ANAPC2: variants seen among roughly 807,000 people sequenced by gnomAD.
The protein encoded by ANAPC2 is anaphase-promoting complex subunit 2.
A neutral mutation model predicts 84.3 loss-of-function variants in ANAPC2; 29 were observed. That is an observed-to-expected ratio of 0.34 (90% confidence interval 0.26 to 0.47). ANAPC2 has a LOEUF of 0.47. ANAPC2 is among the 20% of genes least tolerant of loss of function. ANAPC2 has a pLI of 1.00. For synonymous variants in ANAPC2, 571 were observed against 479.4 expected, an observed-to-expected ratio of 1.19 and a Z score of -2.50; for missense variants, 857 against 1,131.7, an observed-to-expected ratio of 0.76 and a Z score of 3.48.
rs564799824 is a variant in ANAPC2, at chr9:137,188,392, C to T, written c.117+24G>A. The T allele has an allele frequency of 3.2e-5, 51 of 1,596,254 alleles. No homozygotes were observed. The South Asian group carries it at 4.1e-4, about 13-fold the overall frequency. The stretch of plus-strand genomic sequence containing the variant: ...CGGTCCCGGAAACTCCGCGCGGGGC[C>T]GCCCCTCTCTTCCCAGGCCTCACCA... On this transcript the variant is annotated intron_variant, in intron 1 of 12. Coordinates refer to ENST00000323927, the MANE Select transcript of ANAPC2 (RefSeq NM_013366.4).
At chr9:137,181,571 T>C in intron 7 of ANAPC2, 110 bp downstream of exon 7, 1 of 1,229,974 alleles carries the variant, frequency 8.1e-7, no homozygotes, top group Non-Finnish European at 1.1e-6. Context: ...TCTGAGACAC[T>C]AGCGACACCT....
intron 7 of ANAPC2, among the ~76,000 whole-genome samples, 178 bp from the exon 8 acceptor site, chr9:137,181,107 G>C (rs1405810493): frequency 6.6e-6 from 1 of 152,228 alleles, no homozygotes; most frequent in Non-Finnish European, 1.5e-5. Flanking sequence ...TGGAGCAACA[G>C]CTTCAATCCC....
rs577195695 is a variant in ANAPC2 at position 137,182,488 on chromosome 9, G to C, written c.1287-626C>G. Among the ~76,000 whole-genome samples, 30 of 152,066 alleles carry C rather than the reference G, an allele frequency of 2.0e-4. No homozygotes were observed. The South Asian group carries it at 5.6e-3, about 28-fold the overall frequency. On this transcript the variant is annotated intron_variant, in intron 6 of 12. Coordinates refer to ENST00000323927, the MANE Select transcript of ANAPC2 (RefSeq NM_013366.4). Reference sequence around the variant, plus strand: ...CGTGCCACTGCACTCCAGCCTGGGCGAAAGAGTGAGACTCCATCTCAAAAA... The same window carrying C: ...CGTGCCACTGCACTCCAGCCTGGGCCAAAGAGTGAGACTCCATCTCAAAAA...
chr9:137,181,994 T>C (rs909327556), intron 6 of ANAPC2, 132 bp from the exon 7 acceptor site: 11 of 928,530 alleles, frequency 1.2e-5, no homozygotes, highest in Admixed American at 3.2e-5. Flanking sequence ...TGATGGGCTA[T>C]GTACTAAACA....
At chr9:137,181,575 G>T in intron 7 of ANAPC2, 106 bp downstream of exon 7, 1 of 1,261,076 alleles carries the variant, frequency 7.9e-7, no homozygotes, top group Non-Finnish European at 1.1e-6. Flanking sequence ...AGACACTAGC[G>T]ACACCTGACA....
Position 137,175,097 on chromosome 9 carries a change from G to A in ANAPC2, c.2314C>T (p.Arg772Cys), listed in dbSNP as rs1449415842. Residue 772 changes from arginine (R) to cysteine (C), a missense_variant, in exon 13 of 13, where the codon CGT becomes TGT. Transcript: ENST00000323927. ...LTNLESLSLD[R>C]IYNMLRMFVV... ...AACATGCGGAGCATGTTGTAGATAC[G>A]ATCCAGTGAGAGGCTCTCCAGGTTG... The A allele has an allele frequency of 1.9e-6, 3 of 1,609,132 alleles. No homozygotes were observed. Among genetic ancestry groups the A allele is most frequent in the African/African-American group, 1.3e-5 (1 of 75,006 alleles).
rs1458089250 is a variant in ANAPC2, at chr9:137,183,655, C to T, written c.1168+17G>A. 7.5e-6 allele frequency: 12 copies of T among 1,604,544 alleles called. No homozygotes were observed. Among genetic ancestry groups the T allele is most frequent in the Non-Finnish European group, 1.0e-5 (12 of 1,175,188 alleles). ...GTCTAAGCCCAGAGTGCTGGGTGGC[C>T]GGGCAGCACACAGCACCTGGATGCA... is the stretch of plus-strand genomic sequence containing the variant. On this transcript the variant is annotated intron_variant, in intron 5 of 12. Transcript: ENST00000323927.
intron 7 of ANAPC2, 39 bp downstream of exon 7, chr9:137,181,642 C>CTGTG (rs750298505): frequency 4.5e-6 from 7 of 1,541,248 alleles, no homozygotes; most frequent in Non-Finnish European, 6.1e-6. Flanking sequence ...CTGAAGCGCC[C>CTGTG]CCCACACTGG....
chr9:137,180,488 G>A lies in ANAPC2; in HGVS notation c.1650C>T (p.Gly550=), dbSNP rs143202554. Residue 550 remains glycine (G), a synonymous_variant, in exon 9 of 13, where the codon GGC becomes GGT. Coordinates refer to ENST00000323927, the MANE Select transcript of ANAPC2 (RefSeq NM_013366.4). The part of the protein sequence containing the change: ...RNVELLKLRF[G]EAPMHFCEVM... ...CTTCACAGAAGTGCATTGGGGCCTCGCCAAAGCGCAGCTTCAGCAGCTCCA... is the reference window on the plus strand; with the variant it reads ...CTTCACAGAAGTGCATTGGGGCCTCACCAAAGCGCAGCTTCAGCAGCTCCA... The A allele has an allele frequency of 1.2e-4, 187 of 1,613,006 alleles. 1 individual carries two copies. The African/African-American group carries it at 1.9e-3, about 16-fold the overall frequency.
intron 7 of ANAPC2, 86 bp downstream of exon 7, chr9:137,181,593 GCT>G: frequency 7.3e-7 from 1 of 1,361,566 alleles, no homozygotes; most frequent in Non-Finnish European, 9.7e-7. Context: ...ACACAGCCAA[GCT>G]CTGTGACAAG....
Position 137,188,083 on chromosome 9 carries a change from A to C in ANAPC2, c.138T>G (p.Gly46=). 1 of 1,612,268 alleles carries C rather than the reference A, an allele frequency of 6.2e-7. No homozygotes were observed. Among genetic ancestry groups the C allele is most frequent in the Non-Finnish European group, 8.5e-7 (1 of 1,179,714 alleles). Residue 46 remains glycine (G), a synonymous_variant, in exon 2 of 13, where the codon GGT becomes GGG. Coordinates refer to ENST00000323927, the MANE Select transcript of ANAPC2 (RefSeq NM_013366.4). ...ALGLVSSRTS[G]AVPPKEEELR... ...GCTCCTCTTCCTTTGGCGGGACTGC[A>C]CCGCTGGTCCGGGAAGACACCTGGG...
chr9:137,181,784 C>T lies in ANAPC2; in HGVS notation c.1365G>A (p.Glu455=). 1 of 1,610,682 alleles carries T rather than the reference C, an allele frequency of 6.2e-7. No homozygotes were observed. The highest frequency in any genetic ancestry group is 8.5e-7 in the Non-Finnish European group (1 of 1,179,964). The part of the protein sequence containing the change: ...DSDGTGDLAV[E]LSKTDPASLE... ...GGCTCGCCGGGTCGGTCTTGGACAG[C>T]TCAACAGCCAGGTCCCCTGTCCCGT... Residue 455 remains glutamate (E), a synonymous_variant, in exon 7 of 13, where the codon GAG becomes GAA. Transcript: ENST00000323927.
rs1834320925 is a variant in ANAPC2 at position 137,180,497 on chromosome 9, C to T, written c.1641G>A (p.Leu547=). ...REIRNVELLK[L]RFGEAPMHFC... ...AGTGCATTGGGGCCTCGCCAAAGCGCAGCTTCAGCAGCTCCACGTTGCGGA... is the reference window on the plus strand; with the variant it reads ...AGTGCATTGGGGCCTCGCCAAAGCGTAGCTTCAGCAGCTCCACGTTGCGGA... Residue 547 remains leucine (L), a synonymous_variant, in exon 9 of 13, where the codon CTG becomes CTA. Transcript: ENST00000323927. 3.7e-6 allele frequency: 6 copies of T among 1,612,912 alleles called. No homozygotes were observed. The highest frequency in any genetic ancestry group is 5.1e-6 in the Non-Finnish European group (6 of 1,179,944).
intron 10 of ANAPC2, chr9:137,176,882 A>AGAATGCAAGAGGGAAAC (rs1271167730): frequency 6.6e-6 from 1 of 152,268 alleles, no homozygotes; most frequent in African/African-American, 2.4e-5. Flanking sequence ...TACTTATAGC[A>AGAATGCAAGAGGGAAAC]GAATGCAAGA....
intron 2 of ANAPC2, 51 bp from the exon 3 acceptor site, chr9:137,186,407 T>C (rs1834471380): frequency 6.5e-7 from 1 of 1,541,308 alleles, no homozygotes; most frequent in Non-Finnish European, 8.7e-7. Flanking sequence ...CCGGCCCCTC[T>C]AGCCCAGAAC....
chr9:137,183,812 C>T (rs370351551), intron 4 of ANAPC2, 21 bp from the exon 5 acceptor site: 7 of 1,612,036 alleles, frequency 4.3e-6, no homozygotes, highest in African/African-American at 1.3e-5. Flanking sequence ...AAGAACATCC[C>T]TCAGGGACAG....
chr9:137,180,515 G>T lies in ANAPC2; in HGVS notation c.1623C>A (p.Asn541Lys), dbSNP rs199697066. ...FSFSPEREIR[N>K]VELLKLRFGE... ...CAAAGCGCAGCTTCAGCAGCTCCAC[G>T]TTGCGGATCTCCCTGGAAAGACGAG... The change falls in exon 9 of 13, where the codon AAC becomes AAA. Residue 541 changes from asparagine to lysine, a missense_variant. Around this residue, in one of 3 missense-constraint regions of ANAPC2, gnomAD observed 425 missense variants for 595.5 expected, o/e 0.71. Transcript: ENST00000323927. 1 of 1,612,928 alleles carries T rather than the reference G, an allele frequency of 6.2e-7. No individual in the cohort carries two copies. The highest frequency in any genetic ancestry group is 8.5e-7 in the Non-Finnish European group (1 of 1,179,940).
chr9:137,175,869 C>T (rs762600392), intron 10 of ANAPC2, 32 bp from the exon 11 acceptor site: 76 of 1,575,140 alleles, frequency 4.8e-5, no homozygotes, highest in East Asian at 4.2e-4. Context: ...ACGGGCAGCT[C>T]GGCTGCAGGG....
At position 137,174,888 on chromosome 9, in the gene ANAPC2, C is replaced by T. The variant is rs1034801307; in HGVS notation, c.*54G>A. The stretch of plus-strand genomic sequence containing the variant: ...GCGGGCGGGGGCTGGCACGGGAGGA[C>T]GAGAGCACCTGCAGGGCAGCGCCTG... On this transcript the variant is annotated 3_prime_UTR_variant, in exon 13 of 13. Coordinates refer to ENST00000323927, the MANE Select transcript of ANAPC2 (RefSeq NM_013366.4). The surrounding 1 kb of genome is among the most constrained non-coding windows in gnomAD (Gnocchi z 6.1). 4.7e-3 allele frequency: 6,696 copies of T among 1,435,036 alleles called. 33 individuals carry two copies. The highest frequency in any genetic ancestry group is 5.7e-3 in the Non-Finnish European group (6,225 of 1,100,212). The allele number at this position is 1,435,036 out of a possible 1,614,324, so 88.9% of individuals were successfully genotyped here. A position where few individuals can be genotyped will look rare whatever the true frequency, so the allele number is the denominator to read the frequency against.
Sources: gnomAD v4.1 joint callset for allele counts (sites outside exome capture counted in the v4.1 genomes callset) on GRCh38, gnomAD v4.1.1 for gene constraint, gnomAD v4.1.1 regional missense constraint, Gnocchi (gnomAD v3.1) non-coding constraint, MANE v1.5 for transcripts, NCBI Gene and HGNC (gene_info 2026-07-23, HGNC 2026-07-21) for gene names.